Variants in SSPN observed in about 807,000 individuals in gnomAD.
The protein encoded by SSPN is K-ras oncogene-associated protein.
SSPN carries 15 observed loss-of-function variants against 19.1 expected under a neutral mutation model. The ratio of observed to expected loss-of-function variants is 0.78; its 90% CI spans 0.52 to 1.21. The LOEUF (loss-of-function observed/expected upper bound fraction) is 1.21, where lower values mean the gene tolerates loss of function less well. SSPN is among the 50% of genes most tolerant of loss of function. The probability of loss-of-function intolerance (pLI) is 0.00; values close to 1 mark genes in which losing one functional copy is unlikely to be tolerated. For synonymous variants in SSPN, 147 were observed against 140.3 expected (o/e 1.05, Z -0.34); for missense variants, 291 against 314.0 (o/e 0.93, Z 0.55).
chr12:26,204,439 C>T (rs1193187882), intron 1 of SSPN, among the ~76,000 whole-genome samples: 1 of 152,206 alleles, frequency 6.6e-6, no homozygotes, highest in Non-Finnish European at 1.5e-5. Flanking sequence ...GGAACCTCCA[C>T]GCTGTAAATT....
chr12:26,178,203 A>G (rs1944696452), intron 1 of SSPN, among the ~76,000 whole-genome samples: 3 of 152,210 alleles, frequency 2.0e-5, no homozygotes, highest in South Asian at 4.1e-4. Context: ...TAGACTCTGA[A>G]GCCAGACCAC....
intron 1 of SSPN, among the ~76,000 whole-genome samples, chr12:26,138,953 A>C (rs1407996540): frequency 3.3e-5 from 5 of 152,200 alleles, no homozygotes. Context: ...AAATAGTAAT[A>C]TAATAATTTC....
At chr12:26,122,557 C>T (rs1944319883) in intron 1 of SSPN, 6 of 1,171,528 alleles carry the variant, frequency 5.1e-6, no homozygotes, top group East Asian at 4.3e-5. Flanking sequence ...AGCAGGGCGG[C>T]GTCGGGTCTC....
At chr12:26,177,972 C>T (rs776717661) in intron 1 of SSPN, among the ~76,000 whole-genome samples, 4 of 152,306 alleles carry the variant, frequency 2.6e-5, no homozygotes, top group African/African-American at 7.2e-5. Context: ...GACTAAGGCC[C>T]CCAAGTCTAA....
chr12:26,168,888 G>T (rs1285421064), intron 1 of SSPN, among the ~76,000 whole-genome samples: 2 of 152,160 alleles, frequency 1.3e-5, no homozygotes, highest in Admixed American at 6.5e-5. Context: ...CATGTTTGTA[G>T]CCAATGTGCT....
At chr12:26,173,686 T>C (rs1193732464) in intron 1 of SSPN, among the ~76,000 whole-genome samples, 1 of 152,248 alleles carries the variant, frequency 6.6e-6, no homozygotes, top group Non-Finnish European at 1.5e-5. Context: ...AAGCCTGTGG[T>C]ATTTCTCTTA....
chr12:26,220,264 A>AAAG (rs1491465848), intron 1 of SSPN, among the ~76,000 whole-genome samples: 2 of 151,726 alleles, frequency 1.3e-5, no homozygotes, highest in East Asian at 1.9e-4. Context: ...AAAAAAAAAA[A>AAAG]AAATGACAGT....
intron 1 of SSPN, chr12:26,122,584 C>T (rs1944320355): frequency 9.1e-7 from 1 of 1,104,658 alleles, no homozygotes. Context: ...GCGGCCGCGG[C>T]GGCAGGGTCG....
chr12:26,124,253 GCC>G, intron 1 of SSPN: 1 of 785,890 alleles, frequency 1.3e-6, no homozygotes, highest in Non-Finnish European at 2.1e-6. Context: ...ACCCTCGTCT[GCC>G]CCCCCCGCCC....
intron 1 of SSPN, among the ~76,000 whole-genome samples, chr12:26,181,846 T>C (rs556574212): frequency 1.8e-4 from 27 of 152,356 alleles, no homozygotes; most frequent in Non-Finnish European, 3.8e-4. Context: ...TGGAAACGTA[T>C]ATGTAGAAAT....
At position 26,195,899 on chromosome 12, in the gene SSPN, GCATCAGCTCCTCCCTGCTAGTCAGGGA is replaced by G; in HGVS notation, c.230_256del (p.Ile77_Asp85del). The G allele has an allele frequency of 1.3e-6, 2 of 1,578,408 alleles. No individual in the cohort carries two copies. Among genetic ancestry groups the G allele is most frequent in the Non-Finnish European group, 1.7e-6 (2 of 1,165,144 alleles). ...ACCGTGGTGGGCTTCCTCATGGCGAGCATCAGCTCCTCCCTGCTAGTCAGGGACACTCCATTTTGGGCTGGGATCATT... is the reference window on the plus strand; with the variant it reads ...ACCGTGGTGGGCTTCCTCATGGCGAGCACTCCATTTTGGGCTGGGATCATT... On this transcript the variant is annotated inframe_deletion, in exon 1 of 3. Coordinates refer to ENST00000242729, the MANE Select transcript of SSPN (RefSeq NM_005086.5).
intron 1 of SSPN, among the ~76,000 whole-genome samples, chr12:26,207,127 G>T (rs933479060): frequency 6.6e-6 from 1 of 152,186 alleles, no homozygotes; most frequent in Non-Finnish European, 1.5e-5. Context: ...TTTGAGGAAT[G>T]ACTCCAGCTT....
chr12:26,127,371 A>G (rs1020086379), intron 1 of SSPN, among the ~76,000 whole-genome samples: 16 of 152,170 alleles, frequency 1.1e-4, no homozygotes, highest in Admixed American at 8.5e-4. Flanking sequence ...AGCTTGCAGC[A>G]CCCCATAATT....
chr12:26,189,102 G>A (rs1944772247), intron 1 of SSPN, among the ~76,000 whole-genome samples: 1 of 151,924 alleles, frequency 6.6e-6, no homozygotes. Context: ...CATGGTTTTG[G>A]TCAGATTTAA....
chr12:26,212,532 T>G (rs1255543251), intron 1 of SSPN, among the ~76,000 whole-genome samples: 1 of 152,080 alleles, frequency 6.6e-6, no homozygotes. Flanking sequence ...GATGTGGAAA[T>G]GACCAGATGA....
upstream of SSPN, chr12:26,195,548 T>A (rs1944818460): frequency 9.4e-6 from 12 of 1,281,634 alleles, no homozygotes; most frequent in South Asian, 1.1e-4. Flanking sequence ...CGGCTCCAAA[T>A]GTTTTCCATA....
intron 1 of SSPN, among the ~76,000 whole-genome samples, chr12:26,164,868 G>A (rs1944611252): frequency 6.6e-6 from 1 of 152,176 alleles, no homozygotes; most frequent in African/African-American, 2.4e-5. Context: ...ACCCACGTCT[G>A]TAAAGATAAT....
At chr12:26,124,187 TATGAG>T in intron 1 of SSPN, 1 of 1,548,006 alleles carries the variant, frequency 6.5e-7, no homozygotes, top group Non-Finnish European at 8.9e-7. Context: ...ATCCTTAATA[TATGAG>T]AGTCATGGAA....
intron 1 of SSPN, among the ~76,000 whole-genome samples, chr12:26,166,362 T>A (rs901497470): frequency 1.3e-5 from 2 of 152,178 alleles, no homozygotes. Flanking sequence ...GGTCTAGTAA[T>A]CAAAACACTA....
Sources: gnomAD v4.1 joint callset for allele counts (sites outside exome capture counted in the v4.1 genomes callset) on GRCh38, gnomAD v4.1.1 for gene constraint, MANE v1.5 for transcripts, NCBI Gene and HGNC (gene_info 2026-07-23, HGNC 2026-07-21) for gene names.